The following OSBPL6 variants were observed in gnomAD, a reference collection of about 807,000 sequenced individuals.
OSBPL6 encodes the protein oxysterol-binding protein-related protein 6.
In OSBPL6, 49 loss-of-function variants were observed where a neutral mutation model predicts 125.8. The observed-to-expected ratio is 0.39, with a 90% confidence interval of 0.31 to 0.49. OSBPL6 has a LOEUF of 0.49. Among genes scored for constraint, OSBPL6 ranks in the 20% least tolerant of loss-of-function variants. The probability of loss-of-function intolerance (pLI) is 0.88; values close to 1 mark genes in which losing one functional copy is unlikely to be tolerated. For synonymous variants in OSBPL6, 394 were observed against 391.8 expected, an observed-to-expected ratio of 1.01 and a Z score of -0.07; for missense variants, 986 against 1,135.4, an observed-to-expected ratio of 0.87 and a Z score of 1.89.
intron 1 of OSBPL6, among the ~76,000 whole-genome samples, chr2:178,267,346 T>G (rs554954461): frequency 5.1e-5 from 5 of 98,016 alleles, no homozygotes; most frequent in Non-Finnish European, 7.3e-5. Flanking sequence ...AGAGTGAAAC[T>G]CCATCTCAAA....
chr2:178,366,186 C>G (rs1416870879), intron 13 of OSBPL6, among the ~76,000 whole-genome samples: 1 of 152,176 alleles, frequency 6.6e-6, no homozygotes, highest in Non-Finnish European at 1.5e-5. Flanking sequence ...ACCACTGCAC[C>G]CAGCTTATGT....
intron 2 of OSBPL6, among the ~76,000 whole-genome samples, chr2:178,291,755 T>G (rs1054184379): frequency 7.2e-6 from 1 of 138,568 alleles, no homozygotes; most frequent in Non-Finnish European, 1.6e-5. Context: ...CCTTCCTCCC[T>G]TTTTCCTTTC....
At chr2:178,351,209 C>T (rs1321340807) in intron 12 of OSBPL6, among the ~76,000 whole-genome samples, 1 of 152,086 alleles carries the variant, frequency 6.6e-6, no homozygotes, top group African/African-American at 2.4e-5. Context: ...ACTCCTCCTG[C>T]TTCTGTTCAA....
chr2:178,230,678 T>A (rs2090778955), intron 1 of OSBPL6, among the ~76,000 whole-genome samples: 1 of 152,162 alleles, frequency 6.6e-6, no homozygotes, highest in Non-Finnish European at 1.5e-5. Flanking sequence ...AGTATGAGTA[T>A]CCTAAACCTA....
At chr2:178,275,326 A>G (rs1265084822) in intron 1 of OSBPL6, among the ~76,000 whole-genome samples, 1 of 152,136 alleles carries the variant, frequency 6.6e-6, no homozygotes, top group Non-Finnish European at 1.5e-5. Flanking sequence ...AGCCTGGCCA[A>G]CATAGTGAAA....
chr2:178,309,251 T>C (rs1442191227), intron 3 of OSBPL6, among the ~76,000 whole-genome samples: 11 of 152,174 alleles, frequency 7.2e-5, no homozygotes, highest in Non-Finnish European at 1.5e-5. Context: ...GACGGTTCTA[T>C]ATTGCTTATC....
At chr2:178,200,820 G>C (rs1051035892) in intron 1 of OSBPL6, among the ~76,000 whole-genome samples, 2 of 151,700 alleles carry the variant, frequency 1.3e-5, no homozygotes, top group African/African-American at 2.4e-5. Context: ...TTTTGAGACA[G>C]AGTCTTGCTC....
intron 1 of OSBPL6, among the ~76,000 whole-genome samples, chr2:178,277,048 G>A (rs1180365277): frequency 6.6e-6 from 1 of 152,114 alleles, no homozygotes; most frequent in Non-Finnish European, 1.5e-5. Flanking sequence ...GTTTCATCAA[G>A]GGATTGCACA....
intron 9 of OSBPL6, among the ~76,000 whole-genome samples, chr2:178,337,949 C>CTTTTTTTTTTTTTTTTTTTTT (rs755944128): frequency 4.3e-5 from 6 of 139,176 alleles, no homozygotes; most frequent in East Asian, 2.1e-4. Context: ...TCAGTATTCT[C>CTTTTTTTTTTTTTTTTTTTTT]TTTTTTTTTT....
chr2:178,388,423 G>A (rs998126342), intron 20 of OSBPL6, among the ~76,000 whole-genome samples: 2 of 152,102 alleles, frequency 1.3e-5, no homozygotes, highest in Non-Finnish European at 2.9e-5. Context: ...TCCTTGGTAC[G>A]TCCCTGCAGG....
At chr2:178,286,588 A>C (rs751294945) in intron 2 of OSBPL6, among the ~76,000 whole-genome samples, 7 of 152,184 alleles carry the variant, frequency 4.6e-5, no homozygotes, top group Non-Finnish European at 8.8e-5. Context: ...AAGGAGATCT[A>C]ATTTTCATAG....
At chr2:178,374,344 G>A (rs910465142) in intron 15 of OSBPL6, among the ~76,000 whole-genome samples, 1 of 152,160 alleles carries the variant, frequency 6.6e-6, no homozygotes, top group African/African-American at 2.4e-5. Flanking sequence ...TTTATAGAAG[G>A]AGACTAGCTA....
At chr2:178,297,544 A>G (rs952511801) in intron 2 of OSBPL6, among the ~76,000 whole-genome samples, 2 of 152,258 alleles carry the variant, frequency 1.3e-5, no homozygotes, top group African/African-American at 4.8e-5. Context: ...TCCTAATTAA[A>G]GTGATAAGCT....
intron 1 of OSBPL6, among the ~76,000 whole-genome samples, chr2:178,229,507 C>T (rs2090723504): frequency 6.6e-6 from 1 of 152,132 alleles, no homozygotes; most frequent in Admixed American, 6.5e-5. Flanking sequence ...AGACCAGCAG[C>T]ATTAGCATCA....
chr2:178,378,609 C>T (rs1401563324), intron 15 of OSBPL6, among the ~76,000 whole-genome samples: 5 of 152,180 alleles, frequency 3.3e-5, no homozygotes, highest in African/African-American at 1.2e-4. Context: ...TCTTTTGAAT[C>T]CCTAAGTTTG....
At chr2:178,290,099 T>C (rs544708336) in intron 2 of OSBPL6, among the ~76,000 whole-genome samples, 9 of 152,332 alleles carry the variant, frequency 5.9e-5, no homozygotes, top group Admixed American at 4.6e-4. Context: ...ATTGCCTGAA[T>C]ACATTATGTC....
chr2:178,347,976 C>A (rs138372637), intron 11 of OSBPL6, among the ~76,000 whole-genome samples: 1 of 152,288 alleles, frequency 6.6e-6, no homozygotes, highest in Non-Finnish European at 1.5e-5. Flanking sequence ...CCTGCCAGGA[C>A]AATGCTGCAT....
At position 178,339,739 on chromosome 2, in the gene OSBPL6, G is replaced by T. The variant is rs1216768189; in HGVS notation, c.962G>T (p.Ser321Ile). The T allele has an allele frequency of 2.5e-6, 4 of 1,603,976 alleles. No individual in the cohort carries two copies. The Admixed American group carries it at 6.9e-5, about 28-fold the overall frequency. Residue 321 changes from serine (S) to isoleucine (I), a missense_variant, in exon 11 of 25, where the codon AGC (serine) becomes ATC (isoleucine). By Grantham distance (142) the Ser-to-Ile change is moderately radical. Coordinates refer to ENST00000190611, the MANE Select transcript of OSBPL6 (RefSeq NM_032523.4). ...VTRRWRTKSV[S>I]KDTKIQLQVP... The stretch of plus-strand genomic sequence containing the variant: ...AGACGATGGAGAACAAAAAGTGTCA[G>T]CAAAGATACAAAAATACAACTGCAG...
Position 178,336,283 on chromosome 2 carries a change from C to T in OSBPL6, c.658-18C>T. On this transcript the variant is annotated intron_variant, in intron 8 of 24. Transcript: ENST00000190611. ...TGTACTGTTTCATAACCATACAATT[C>T]ATCTTTGTTTGCCGTAGATGCAACC... is the stretch of plus-strand genomic sequence containing the variant. The T allele has an allele frequency of 6.2e-7, 1 of 1,611,884 alleles. No individual in the cohort carries two copies. The highest frequency in any genetic ancestry group is 8.5e-7 in the Non-Finnish European group (1 of 1,179,050).
Sources: gnomAD v4.1 joint callset for allele counts (sites outside exome capture counted in the v4.1 genomes callset) on GRCh38, gnomAD v4.1.1 for gene constraint, MANE v1.5 for transcripts, NCBI Gene and HGNC (gene_info 2026-07-23, HGNC 2026-07-21) for gene names.